The following SYN2 variants were observed in gnomAD, a reference collection of about 807,000 sequenced individuals.
SYN2 encodes the protein synapsin II.
Under a neutral mutation model 50.9 loss-of-function variants are expected in SYN2, and 19 were observed. That is an observed-to-expected ratio of 0.37 (90% confidence interval 0.26 to 0.55). SYN2 has a LOEUF of 0.55. Ranked by LOEUF, SYN2 falls within the 20% of genes least tolerant of loss-of-function variation. The pLI is 0.81. For synonymous variants in SYN2, 255 were observed against 224.9 expected, an observed-to-expected ratio of 1.13 and a Z score of -1.20; for missense variants, 587 against 576.4, an observed-to-expected ratio of 1.02 and a Z score of -0.19.
intron 9 of SYN2, 21 bp downstream of exon 9, chr3:12,168,499 AAG>A: frequency 6.3e-7 from 1 of 1,598,724 alleles, no homozygotes; most frequent in South Asian, 1.1e-5. Context: ...ACCAAGCAGT[AAG>A]AGGTAACTCC....
At chr3:12,043,796 C>T (rs1404505695) in intron 1 of SYN2, among the ~76,000 whole-genome samples, 1 of 152,200 alleles carries the variant, frequency 6.6e-6, no homozygotes, top group Non-Finnish European at 1.5e-5. Flanking sequence ...TCCCCCACGT[C>T]TGTACCTATT....
chr3:12,006,650 A>T (rs1693806690), intron 1 of SYN2, among the ~76,000 whole-genome samples: 1 of 152,148 alleles, frequency 6.6e-6, no homozygotes, highest in African/African-American at 2.4e-5. Context: ...CTTTCATTCC[A>T]CTGTGTTATA....
At chr3:12,050,380 C>G (rs1397856097) in intron 1 of SYN2, among the ~76,000 whole-genome samples, 1 of 127,890 alleles carries the variant, frequency 7.8e-6, no homozygotes, top group Non-Finnish European at 1.6e-5. Flanking sequence ...GAGTTTTGCT[C>G]TGTCCCCCAG....
intron 6 of SYN2, 72 bp from the exon 7 acceptor site, chr3:12,161,940 G>A: frequency 6.3e-7 from 1 of 1,584,848 alleles, no homozygotes; most frequent in South Asian, 1.2e-5. Flanking sequence ...GGAGGCTCAG[G>A]GCCCTTGTGA....
chr3:12,071,209 A>G (rs1177991507), intron 1 of SYN2: 7 of 552,826 alleles, frequency 1.3e-5, no homozygotes, highest in Non-Finnish European at 2.6e-5. Flanking sequence ...ACCCAGCACC[A>G]TGAAGATCAA....
rs745964731 is a variant in SYN2 at position 12,099,210 on chromosome 3, A to G, written c.378-41441A>G. On this transcript the variant is annotated intron_variant, in intron 1 of 12. Transcript: ENST00000621198. ...GAGGATTTGAACAACACCAAAGCCA[A>G]CTAGACCTAAGAAATATCTATAGAA... 2.6e-5 allele frequency among the ~76,000 whole-genome samples: 4 copies of G among 152,326 alleles called. No homozygotes were observed. In the South Asian group the frequency reaches 6.2e-4, roughly 24 times the overall value.
At chr3:12,097,968 A>G (rs545983001) in intron 1 of SYN2, among the ~76,000 whole-genome samples, 21 of 152,180 alleles carry the variant, frequency 1.4e-4, no homozygotes, top group Non-Finnish European at 2.9e-4. Context: ...ACAAACCGGC[A>G]TGTTGTGCAC....
chr3:12,142,832 C>T (rs1697053305), intron 3 of SYN2, among the ~76,000 whole-genome samples: 1 of 152,178 alleles, frequency 6.6e-6, no homozygotes, highest in Non-Finnish European at 1.5e-5. Flanking sequence ...TCTACAGTAA[C>T]CTGACAGGCT....
intron 1 of SYN2, among the ~76,000 whole-genome samples, chr3:12,006,821 A>C (rs1323995160): frequency 6.6e-6 from 1 of 152,252 alleles, no homozygotes; most frequent in Non-Finnish European, 1.5e-5. Context: ...TCAGGCAGTC[A>C]ACAAATGGAG....
chr3:12,185,295 A>T (rs1191596612), intron 11 of SYN2: 1 of 985,572 alleles, frequency 1.0e-6, no homozygotes, highest in East Asian at 1.1e-4. Flanking sequence ...CGATGAGCTG[A>T]CGGTGGTATT....
intron 1 of SYN2, among the ~76,000 whole-genome samples, chr3:12,119,999 C>T (rs968805194): frequency 6.6e-6 from 1 of 152,050 alleles, no homozygotes; most frequent in African/African-American, 2.4e-5. Context: ...TAAAAAACAT[C>T]TGAATTTTTT....
intron 5 of SYN2, among the ~76,000 whole-genome samples, chr3:12,155,599 G>C (rs998449294): frequency 3.3e-5 from 5 of 152,146 alleles, no homozygotes; most frequent in Non-Finnish European, 5.9e-5. Context: ...AGCTAGAGAG[G>C]GCAGCAGTGT....
At chr3:12,038,618 T>G (rs1415925790) in intron 1 of SYN2, among the ~76,000 whole-genome samples, 10 of 152,194 alleles carry the variant, frequency 6.6e-5, no homozygotes. Context: ...CTATAAGTCT[T>G]GTACTTATTT....
intron 1 of SYN2, among the ~76,000 whole-genome samples, chr3:12,048,497 C>G (rs935018412): frequency 6.6e-6 from 1 of 152,130 alleles, no homozygotes; most frequent in Non-Finnish European, 1.5e-5. Context: ...ATTTTAACTA[C>G]AAAATTCTTT....
intron 1 of SYN2, among the ~76,000 whole-genome samples, chr3:12,115,907 C>T (rs987091165): frequency 6.6e-6 from 1 of 152,144 alleles, no homozygotes; most frequent in Non-Finnish European, 1.5e-5. Context: ...TACAGCACCT[C>T]CTAGCATATA....
chr3:12,065,167 T>A (rs556751606), intron 1 of SYN2, among the ~76,000 whole-genome samples: 1 of 152,196 alleles, frequency 6.6e-6, no homozygotes, highest in East Asian at 1.9e-4. Flanking sequence ...TCTCACACTA[T>A]TCAGAATGGC....
chr3:12,094,962 T>A (rs1695899163), intron 1 of SYN2, among the ~76,000 whole-genome samples: 2 of 152,158 alleles, frequency 1.3e-5, no homozygotes, highest in Admixed American at 1.3e-4. Flanking sequence ...GAAACAAAGA[T>A]ACAGTGTAAA....
intron 1 of SYN2, among the ~76,000 whole-genome samples, chr3:12,011,428 G>T (rs1693909682): frequency 6.6e-6 from 1 of 152,160 alleles, no homozygotes; most frequent in African/African-American, 2.4e-5. Flanking sequence ...GCAGTGACCT[G>T]TGGAGAGAAT....
intron 5 of SYN2, chr3:12,157,629 A>G: frequency 1.4e-6 from 1 of 700,304 alleles, no homozygotes; most frequent in Non-Finnish European, 2.5e-6. Context: ...ATGTGTGAGA[A>G]GGGGGACCTG....
Sources: gnomAD v4.1 joint callset for allele counts (sites outside exome capture counted in the v4.1 genomes callset) on GRCh38, gnomAD v4.1.1 for gene constraint, MANE v1.5 for transcripts, NCBI Gene and HGNC (gene_info 2026-07-23, HGNC 2026-07-21) for gene names.